Variants in KIAA1217 observed in about 807,000 individuals in gnomAD.
KIAA1217 encodes sickle tail protein homolog.
Under a neutral mutation model 163.9 loss-of-function variants are expected in KIAA1217, and 88 were observed. That is an observed-to-expected ratio of 0.54 (90% CI 0.45 to 0.64). The LOEUF is 0.64. Among genes scored for constraint, KIAA1217 ranks in the 30% least tolerant of loss-of-function variants. The probability of loss-of-function intolerance (pLI) is 0.00; values close to 1 mark genes in which losing one functional copy is unlikely to be tolerated. For missense variants in KIAA1217, 2,372 were observed against 2,475.0 expected (o/e 0.96, Z 0.88); for synonymous variants, 903 against 923.1 (o/e 0.98, Z 0.39).
intron 2 of KIAA1217, among the ~76,000 whole-genome samples, chr10:24,263,360 G>C (rs933903500): frequency 6.6e-6 from 1 of 152,182 alleles, no homozygotes; most frequent in Admixed American, 6.5e-5. Context: ...GGGAAGGCTT[G>C]GAAATAAAGG....
intron 2 of KIAA1217, among the ~76,000 whole-genome samples, chr10:24,272,535 G>A (rs2076873207): frequency 6.6e-6 from 1 of 152,116 alleles, no homozygotes; most frequent in South Asian, 2.1e-4. Context: ...ATCATTGTTG[G>A]GAAGAAAATA....
chr10:24,052,117 G>A (rs778602639), intron 2 of KIAA1217, among the ~76,000 whole-genome samples: 21 of 152,142 alleles, frequency 1.4e-4, no homozygotes, highest in South Asian at 2.1e-4. Flanking sequence ...TGCTACTTGC[G>A]TACTCCAAGT....
At position 24,399,850 on chromosome 10, in the gene KIAA1217, T is replaced by C. The variant is rs116967149; in HGVS notation, c.553+18783T>C. 4.6e-5 allele frequency among the ~76,000 whole-genome samples: 7 copies of C among 152,130 alleles called. No homozygotes were observed. In the East Asian group the frequency reaches 9.7e-4, roughly 21 times the overall value. On this transcript the variant is annotated intron_variant, in intron 3 of 20. Coordinates refer to ENST00000376454, the MANE Select transcript of KIAA1217 (RefSeq NM_019590.5). ...ACACGTAGCGACCCAGGATGAAATA[T>C]AATAATAACAAAAAAATAATAATAA...
intron 1 of KIAA1217, among the ~76,000 whole-genome samples, chr10:23,733,569 A>G (rs986266343): frequency 6.6e-6 from 1 of 152,146 alleles, no homozygotes; most frequent in Non-Finnish European, 1.5e-5. Flanking sequence ...AATGCTATGT[A>G]AATAGTTGTT....
rs549442542 is a variant in KIAA1217, at chr10:24,239,907, G to GA, written c.354+20005dup. On this transcript the variant is annotated intron_variant, in intron 2 of 20. Coordinates refer to ENST00000376454, the MANE Select transcript of KIAA1217 (RefSeq NM_019590.5). ...TCACCGAGGCATTTTTCCCAGACTAGAAAAAAACAGTCCTGATAGAGACAT... is the reference window on the plus strand; with the variant it reads ...TCACCGAGGCATTTTTCCCAGACTAGAAAAAAAACAGTCCTGATAGAGACAT... 3.4e-3 allele frequency among the ~76,000 whole-genome samples: 517 copies of GA among 151,982 alleles called. 2 individuals are homozygous for GA. The highest frequency in any genetic ancestry group is 0.012 in the African/African-American group (493 of 41,440).
At chr10:24,123,441 A>T (rs1218807345) in intron 2 of KIAA1217, among the ~76,000 whole-genome samples, 3 of 152,030 alleles carry the variant, frequency 2.0e-5, no homozygotes, top group Non-Finnish European at 1.5e-5. Flanking sequence ...TGCCATTACA[A>T]CCATGCTGCA....
intron 2 of KIAA1217, among the ~76,000 whole-genome samples, chr10:24,360,968 GTT>G (rs1381013790): frequency 6.6e-6 from 1 of 151,512 alleles, no homozygotes; most frequent in Non-Finnish European, 1.5e-5. Context: ...CATCTCGGGA[GTT>G]TTTAAAAAAA....
Position 23,832,840 on chromosome 10 carries a change from G to T in KIAA1217, c.-321+137606G>T, listed in dbSNP as rs1276896775. Among the ~76,000 whole-genome samples, 5 of 152,204 alleles carry T rather than the reference G, an allele frequency of 3.3e-5. No homozygotes were observed. In the East Asian group the frequency reaches 7.7e-4, roughly 24 times the overall value. ...TTTAATGGACTTACAGTTCCATGTG[G>T]CTGGGAAGGCCTCACAATCATGGCA... On this transcript the variant is annotated intron_variant, in intron 1 of 18. Transcript: ENST00000376462.
chr10:23,887,595 T>C (rs997562021), intron 1 of KIAA1217, among the ~76,000 whole-genome samples: 2 of 151,986 alleles, frequency 1.3e-5, no homozygotes, highest in African/African-American at 4.8e-5. Context: ...AGCTATAAAA[T>C]GCTCATTTTA....
intron 2 of KIAA1217, among the ~76,000 whole-genome samples, chr10:24,378,686 G>A (rs978411645): frequency 2.0e-5 from 3 of 151,796 alleles, no homozygotes; most frequent in Non-Finnish European, 2.9e-5. Context: ...ACAAGTGTCA[G>A]CAATTTCCAT....
intron 1 of KIAA1217, among the ~76,000 whole-genome samples, chr10:23,705,103 A>G (rs1043138104): frequency 6.6e-6 from 1 of 152,128 alleles, no homozygotes; most frequent in Non-Finnish European, 1.5e-5. Flanking sequence ...CTTTGGAGAA[A>G]TGTCTATTCA....
intron 1 of KIAA1217, among the ~76,000 whole-genome samples, chr10:23,950,822 A>C (rs748511906): frequency 1.3e-5 from 2 of 152,170 alleles, no homozygotes; most frequent in African/African-American, 4.8e-5. Flanking sequence ...CATAATCTCC[A>C]TGAGGGCTCA....
intron 2 of KIAA1217, among the ~76,000 whole-genome samples, chr10:24,273,508 C>T (rs1351852255): frequency 6.6e-6 from 1 of 152,072 alleles, no homozygotes; most frequent in Non-Finnish European, 1.5e-5. Flanking sequence ...ATAAGAGGCC[C>T]TTGGCTTACC....
intron 1 of KIAA1217, among the ~76,000 whole-genome samples, chr10:23,994,013 A>C (rs1238242547): frequency 6.6e-6 from 1 of 152,154 alleles, no homozygotes; most frequent in African/African-American, 2.4e-5. Flanking sequence ...ATTTCTCCTG[A>C]TGCAGTGGAT....
At position 24,255,637 on chromosome 10, in the gene KIAA1217, T is replaced by C. The variant is rs539948502; in HGVS notation, c.354+35728T>C. The stretch of plus-strand genomic sequence containing the variant: ...GATTCTGGGGTTTCCCTGCCCCCCC[T>C]GGGGTCCCTAAACTGCTGTGTGATA... On this transcript the variant is annotated intron_variant, in intron 2 of 20. Coordinates refer to ENST00000376454, the MANE Select transcript of KIAA1217 (RefSeq NM_019590.5). 2.7e-4 allele frequency: 116 copies of C among 427,438 alleles called. 1 individual carries two copies. The highest frequency in any genetic ancestry group is 1.8e-3 in the African/African-American group (86 of 48,882). 26.5% of individuals were successfully genotyped at this position (427,438 alleles called of 1,614,324 possible). A position where few individuals can be genotyped will look rare whatever the true frequency, so the allele number is the denominator to read the frequency against.
chr10:24,455,456 T>C (rs1202716465), intron 5 of KIAA1217, among the ~76,000 whole-genome samples: 1 of 152,254 alleles, frequency 6.6e-6, no homozygotes, highest in Non-Finnish European at 1.5e-5. Context: ...TGCGCATTAT[T>C]ACAAGATAAA....
intron 2 of KIAA1217, among the ~76,000 whole-genome samples, chr10:24,098,777 G>A (rs994807634): frequency 3.3e-5 from 5 of 150,104 alleles, no homozygotes; most frequent in Non-Finnish European, 7.4e-5. Flanking sequence ...GAGACAGACA[G>A]ACACACAGGG....
intron 2 of KIAA1217, among the ~76,000 whole-genome samples, chr10:24,366,799 A>G (rs764858679): frequency 2.0e-5 from 3 of 152,220 alleles, no homozygotes; most frequent in Admixed American, 6.5e-5. Context: ...GGCTCTAGTA[A>G]GTTCCCTGCA....
chr10:24,352,954 G>A (rs375869830), intron 2 of KIAA1217, among the ~76,000 whole-genome samples: 3 of 152,022 alleles, frequency 2.0e-5, no homozygotes, highest in South Asian at 2.1e-4. Flanking sequence ...GTTCCTTATG[G>A]GCTTCCCTAA....
Sources: gnomAD v4.1 joint callset for allele counts (sites outside exome capture counted in the v4.1 genomes callset) on GRCh38, gnomAD v4.1.1 for gene constraint, MANE v1.5 for transcripts, NCBI Gene and HGNC (gene_info 2026-07-23, HGNC 2026-07-21) for gene names.